The following KCNT2 variants were observed in gnomAD, a reference collection of about 807,000 sequenced individuals.
KCNT2 encodes potassium sodium-activated channel subfamily T member 2.
A neutral mutation model predicts 153.8 loss-of-function variants in KCNT2; 67 were observed. The observed-to-expected ratio is 0.44, with a 90% CI of 0.36 to 0.53. The LOEUF is 0.53. Among genes scored for constraint, KCNT2 ranks in the 20% least tolerant of loss-of-function variants. The probability of loss-of-function intolerance (pLI) is 0.00; values close to 1 mark genes in which losing one functional copy is unlikely to be tolerated. For synonymous variants in KCNT2, 500 were observed against 458.8 expected (o/e 1.09, Z -1.15); for missense variants, 975 against 1,354.8 (o/e 0.72, Z 4.40).
intron 15 of KCNT2, among the ~76,000 whole-genome samples, chr1:196,341,576 ACTT>A: frequency 6.6e-6 from 1 of 151,966 alleles, no homozygotes; most frequent in East Asian, 1.9e-4. Flanking sequence ...ATACATTTTT[ACTT>A]CTTAAGTAAA....
intron 12 of KCNT2, among the ~76,000 whole-genome samples, chr1:196,406,129 T>A (rs1451360212): frequency 2.6e-5 from 4 of 151,348 alleles, no homozygotes; most frequent in Middle Eastern, 3.2e-3. Flanking sequence ...AACATCCAGG[T>A]CTAATATGTA....
intron 12 of KCNT2, among the ~76,000 whole-genome samples, chr1:196,405,512 G>A (rs1671754818): frequency 6.6e-6 from 1 of 151,304 alleles, no homozygotes; most frequent in Non-Finnish European, 1.5e-5. Flanking sequence ...TTTACCTATG[G>A]CAGGAATTAT....
chr1:196,248,349 C>CA (rs1655638774), intron 26 of KCNT2, among the ~76,000 whole-genome samples: 1 of 151,410 alleles, frequency 6.6e-6, no homozygotes. Flanking sequence ...AAAAGATCAA[C>CA]AAAAGAAAAA....
At chr1:196,342,880 G>A (rs1665802879) in intron 14 of KCNT2, among the ~76,000 whole-genome samples, 1 of 152,058 alleles carries the variant, frequency 6.6e-6, no homozygotes, top group Non-Finnish European at 1.5e-5. Context: ...ATTCATGTTG[G>A]AATCCTAATC....
intron 1 of KCNT2, among the ~76,000 whole-genome samples, chr1:196,526,298 TTATAA>T (rs1214121666): frequency 4.0e-5 from 6 of 150,906 alleles, no homozygotes; most frequent in Non-Finnish European, 8.9e-5. Flanking sequence ...ATTTTATAAA[TTATAA>T]TATATAAATC....
chr1:196,379,283 A>C (rs956691227), intron 13 of KCNT2, among the ~76,000 whole-genome samples: 5 of 152,020 alleles, frequency 3.3e-5, no homozygotes, highest in African/African-American at 1.2e-4. Context: ...TTTAAAAATT[A>C]TATGTGGCAG....
Position 196,560,702 on chromosome 1 carries a change from T to C in KCNT2, c.95+47513A>G, listed in dbSNP as rs373171161. On this transcript the variant is annotated intron_variant, in intron 1 of 27. Transcript: ENST00000294725. Reference sequence around the variant, plus strand: ...GTAATAATGATATGATGTTTTTTCTTCCCCCCTCTGGATAAAAACAATTAG... The same window carrying C: ...GTAATAATGATATGATGTTTTTTCTCCCCCCCTCTGGATAAAAACAATTAG... Among the ~76,000 whole-genome samples the C allele has an allele frequency of 4.0e-4, 60 of 151,412 alleles. 1 individual carries two copies. The East Asian group carries it at 4.5e-3, about 11-fold the overall frequency.
intron 21 of KCNT2, among the ~76,000 whole-genome samples, chr1:196,308,850 T>A (rs1661883839): frequency 6.6e-6 from 1 of 152,002 alleles, no homozygotes; most frequent in African/African-American, 2.4e-5. Flanking sequence ...TGGATTCATG[T>A]TTCCTATATT....
chr1:196,371,591 C>T (rs1161760913), intron 14 of KCNT2, among the ~76,000 whole-genome samples: 1 of 151,984 alleles, frequency 6.6e-6, no homozygotes, highest in Non-Finnish European at 1.5e-5. Flanking sequence ...TTTTGCAAGT[C>T]ACTCTTATTT....
intron 8 of KCNT2, among the ~76,000 whole-genome samples, chr1:196,430,086 C>T (rs879782819): frequency 1.3e-5 from 2 of 151,934 alleles, no homozygotes; most frequent in Admixed American, 6.6e-5. Context: ...ACCTCTAATC[C>T]CTACCAAAAT....
chr1:196,425,874 C>T lies in KCNT2; in HGVS notation c.1099G>A (p.Asp367Asn). The T allele has an allele frequency of 6.2e-7, 1 of 1,612,466 alleles. No individual in the cohort carries two copies. Among genetic ancestry groups the T allele is most frequent in the Non-Finnish European group, 8.5e-7 (1 of 1,178,978 alleles). The change falls in exon 11 of 28, where the codon GAT (aspartate) becomes AAT (asparagine). Residue 367 changes from aspartate (D) to asparagine (N), a missense_variant. Asp to Asn is a conservative substitution (Grantham distance 23). Transcript: ENST00000294725. ...VIYLQGSALK[D>N]QDLLRAKMDD... ...TACTTTGCTCTCAATAGGTCTTGATCTTTAAGGGCTGAACCTTGAAGGTAG... is the reference window on the plus strand; with the variant it reads ...TACTTTGCTCTCAATAGGTCTTGATTTTTAAGGGCTGAACCTTGAAGGTAG...
In KCNT2 at chr1:196,449,124, G is replaced by A. The variant is rs975239068; in HGVS notation, c.638+16169C>T. Among the ~76,000 whole-genome samples, 4 of 151,566 alleles carry A rather than the reference G, an allele frequency of 2.6e-5. No homozygotes were observed. The Admixed American group carries it at 2.6e-4, about 10-fold the overall frequency. On this transcript the variant is annotated intron_variant, in intron 8 of 27. Transcript: ENST00000294725. ...GGGGAGAACAGTTAAAGCATTTGGG[G>A]AATATTTGGCTTGTAGAAAAGAAGA...
chr1:196,358,986 A>T lies in KCNT2; in HGVS notation c.1403+14154T>A, dbSNP rs756643181. On this transcript the variant is annotated intron_variant, in intron 14 of 27. Coordinates refer to ENST00000294725, the MANE Select transcript of KCNT2 (RefSeq NM_198503.5). ...AGACTACTCAATCTGGGGCCTCTCA[A>T]ATACCAGATTATAGAGAACTGGAAC... 5.9e-4 allele frequency among the ~76,000 whole-genome samples: 90 copies of T among 151,998 alleles called. 2 individuals carry two copies. Among genetic ancestry groups the T allele is most frequent in the Admixed American group, 2.6e-4 (4 of 15,222 alleles).
chr1:196,395,080 T>C (rs1670815610), intron 13 of KCNT2, among the ~76,000 whole-genome samples: 2 of 151,368 alleles, frequency 1.3e-5, no homozygotes, highest in Admixed American at 1.3e-4. Flanking sequence ...TTATTCTCTT[T>C]TAACATAATG....
At chr1:196,509,026 T>C (rs1366670284) in intron 1 of KCNT2, among the ~76,000 whole-genome samples, 1 of 152,106 alleles carries the variant, frequency 6.6e-6, no homozygotes, top group Non-Finnish European at 1.5e-5. Flanking sequence ...CCCAACATTT[T>C]AAGAGGTTGA....
At position 196,489,818 on chromosome 1, in the gene KCNT2, G is replaced by A. The variant is rs769686175; in HGVS notation, c.275+20C>T. 8.2e-7 allele frequency: 1 copy of A among 1,214,098 alleles called. No individual in the cohort carries two copies. The allele number at this position is 1,214,098 out of a possible 1,614,324, so 75.2% of individuals were successfully genotyped here. A position where few individuals can be genotyped will look rare whatever the true frequency, so the allele number is the denominator to read the frequency against. ...AATAATCAAAATAATATTGTTGAAG[G>A]TCAGAAAAAGGTACCTTACCATTCA... is the stretch of plus-strand genomic sequence containing the variant. On this transcript the variant is annotated intron_variant, in intron 3 of 27. Transcript: ENST00000294725.
chr1:196,559,246 C>T (rs1446592700), intron 1 of KCNT2, among the ~76,000 whole-genome samples: 1 of 151,554 alleles, frequency 6.6e-6, no homozygotes, highest in Non-Finnish European at 1.5e-5. Context: ...TATTTTATTG[C>T]ATATTTTATG....
intron 5 of KCNT2, among the ~76,000 whole-genome samples, chr1:196,474,625 G>C (rs910862360): frequency 6.6e-6 from 1 of 152,130 alleles, no homozygotes; most frequent in Non-Finnish European, 1.5e-5. Context: ...TTAACAAAAG[G>C]GTTCTAGGTA....
chr1:196,330,734 T>C (rs1466970506), intron 18 of KCNT2, among the ~76,000 whole-genome samples: 2 of 152,030 alleles, frequency 1.3e-5, no homozygotes, highest in African/African-American at 4.8e-5. Flanking sequence ...TTCACTTTAG[T>C]CATAAATGAA....
Sources: gnomAD v4.1 joint callset for allele counts (sites outside exome capture counted in the v4.1 genomes callset) on GRCh38, gnomAD v4.1.1 for gene constraint, MANE v1.5 for transcripts, NCBI Gene and HGNC (gene_info 2026-07-23, HGNC 2026-07-21) for gene names.